The following TENM2 variants were observed in gnomAD, a reference collection of about 807,000 sequenced individuals.
TENM2 encodes the protein teneurin-2.
A neutral mutation model predicts 245.2 loss-of-function variants in TENM2; 52 were observed. That is an observed-to-expected ratio of 0.21 (90% CI 0.17 to 0.27). TENM2 has a LOEUF of 0.27. Ranked by LOEUF, TENM2 falls within the 10% of genes least tolerant of loss-of-function variation. The pLI is 1.00. For missense variants in TENM2, 3,046 were observed against 3,666.8 expected (o/e 0.83, Z 4.37); for synonymous variants, 1,363 against 1,438.9 (o/e 0.95, Z 1.19).
the TENM2 span, among the ~76,000 whole-genome samples, chr5:167,160,277 G>A: frequency 6.6e-6 from 1 of 152,180 alleles, no homozygotes; most frequent in African/African-American, 2.4e-5. Flanking sequence ...TGCACTTAAA[G>A]TCCAGACTCC....
chr5:168,086,911 C>T (rs1289833845), intron 7 of TENM2, among the ~76,000 whole-genome samples: 1 of 152,210 alleles, frequency 6.6e-6, no homozygotes, highest in African/African-American at 2.4e-5. Context: ...GCCAAGCAAG[C>T]TGGCCAGGCT....
chr5:167,408,261 T>C (rs1762735011), intron 2 of TENM2, among the ~76,000 whole-genome samples: 1 of 152,180 alleles, frequency 6.6e-6, no homozygotes, highest in Admixed American at 6.6e-5. Flanking sequence ...ACTGGAGGTG[T>C]TAAGGAGTTT....
At chr5:167,902,169 G>A (rs952321523) in intron 3 of TENM2, among the ~76,000 whole-genome samples, 1 of 152,130 alleles carries the variant, frequency 6.6e-6, no homozygotes, top group Non-Finnish European at 1.5e-5. Flanking sequence ...AGAGTGGAGT[G>A]GGGAGTGGGG....
At chr5:168,193,346 G>A (rs1287158940) in intron 14 of TENM2, among the ~76,000 whole-genome samples, 1 of 152,178 alleles carries the variant, frequency 6.6e-6, no homozygotes, top group Admixed American at 6.5e-5. Context: ...CGTTCCCCTA[G>A]ATAATGGCAT....
intron 2 of TENM2, among the ~76,000 whole-genome samples, chr5:167,406,171 G>T (rs1001338685): frequency 6.6e-6 from 1 of 152,080 alleles, no homozygotes; most frequent in Non-Finnish European, 1.5e-5. Context: ...ATAGACTCTT[G>T]TTTAATTAAA....
intron 2 of TENM2, among the ~76,000 whole-genome samples, chr5:167,438,370 A>G (rs1764687542): frequency 6.6e-6 from 1 of 152,178 alleles, no homozygotes; most frequent in Admixed American, 6.5e-5. Flanking sequence ...AAAACAGTTT[A>G]CTTACAAAAT....
intron 2 of TENM2, among the ~76,000 whole-genome samples, chr5:167,672,956 A>C (rs1343536238): frequency 1.3e-5 from 2 of 151,620 alleles, no homozygotes; most frequent in Non-Finnish European, 2.9e-5. Flanking sequence ...TTAATAGCTC[A>C]TAAGAGGAGC....
intron 21 of TENM2, 122 bp from the exon 24 acceptor site, chr5:168,216,646 A>G (rs1249978060): frequency 9.2e-6 from 8 of 867,748 alleles, no homozygotes; most frequent in Non-Finnish European, 1.5e-5. Flanking sequence ...TGAGGGTACT[A>G]ATCAATTCCA....
chr5:167,738,218 A>T (rs1346260120), intron 2 of TENM2, among the ~76,000 whole-genome samples: 2 of 152,156 alleles, frequency 1.3e-5, no homozygotes, highest in African/African-American at 4.8e-5. Flanking sequence ...GCACGGTGGA[A>T]GTTTCTGGCT....
the TENM2 span, among the ~76,000 whole-genome samples, chr5:167,213,017 G>A: frequency 0.21 from 31,642 of 152,098 alleles, 3,900 homozygotes; most frequent in African/African-American, 0.34. Context: ...ATTTCTCCAA[G>A]TGAAAATGGA....
the TENM2 span, among the ~76,000 whole-genome samples, chr5:167,242,302 G>A: frequency 2.0e-5 from 3 of 151,980 alleles, no homozygotes; most frequent in Non-Finnish European, 2.9e-5. Flanking sequence ...TGTCTGCCTC[G>A]GCCTCCCAAA....
chr5:167,915,314 G>A (rs1232245304), intron 3 of TENM2, among the ~76,000 whole-genome samples: 3 of 152,170 alleles, frequency 2.0e-5, no homozygotes, highest in African/African-American at 7.2e-5. Flanking sequence ...GTAGGGAAGG[G>A]AGATGGAAAG....
chr5:167,421,399 G>C (rs1198769612), intron 2 of TENM2, among the ~76,000 whole-genome samples: 3 of 152,146 alleles, frequency 2.0e-5, no homozygotes, highest in African/African-American at 7.2e-5. Flanking sequence ...CTTAAATTAA[G>C]TGCCTATTAG....
chr5:167,578,422 C>T (rs767946724), intron 2 of TENM2, among the ~76,000 whole-genome samples: 3 of 152,170 alleles, frequency 2.0e-5, no homozygotes, highest in Non-Finnish European at 4.4e-5. Flanking sequence ...GAAACACCTT[C>T]GTATTATAAT....
intron 3 of TENM2, among the ~76,000 whole-genome samples, chr5:167,918,750 C>A (rs1202447368): frequency 2.0e-5 from 3 of 148,814 alleles, no homozygotes; most frequent in Non-Finnish European, 4.4e-5. Context: ...CAGAGCAGTT[C>A]GTTTGGGATT....
the TENM2 span, among the ~76,000 whole-genome samples, chr5:167,016,529 T>C: frequency 6.6e-6 from 1 of 152,210 alleles, no homozygotes; most frequent in Non-Finnish European, 1.5e-5. Flanking sequence ...TCTCCTGTCT[T>C]AACTTTTGTG....
the TENM2 span, among the ~76,000 whole-genome samples, chr5:167,069,134 T>C: frequency 6.6e-6 from 1 of 152,194 alleles, no homozygotes; most frequent in Non-Finnish European, 1.5e-5. Flanking sequence ...ATTCTCTTTA[T>C]ATCTAAAGGG....
Position 167,900,139 on chromosome 5 carries a change from G to A in TENM2, c.712+23944G>A, listed in dbSNP as rs867920889. Among the ~76,000 whole-genome samples, 36 of 121,180 alleles carry A rather than the reference G, an allele frequency of 3.0e-4. 2 individuals are homozygous for A. Among genetic ancestry groups the A allele is most frequent in the South Asian group, 9.6e-4 (3 of 3,112 alleles). The allele number at this position is 121,180 out of a possible 152,430, so 79.5% of individuals were successfully genotyped here. ...AAAAAAAAAAAAAAAAAAAAGGGGG[G>A]GGGGGTTTTGGAAAGGAAAGGAATG... On this transcript the variant is annotated intron_variant, in intron 3 of 28. Coordinates refer to ENST00000518659, the Ensembl canonical transcript of TENM2.
chr5:167,898,937 G>A (rs1257143749), intron 3 of TENM2, among the ~76,000 whole-genome samples: 1 of 152,132 alleles, frequency 6.6e-6, no homozygotes, highest in Admixed American at 6.6e-5. Context: ...GCGTGGATTG[G>A]CTCGATGGTC....
Sources: gnomAD v4.1 joint callset for allele counts (sites outside exome capture counted in the v4.1 genomes callset) on GRCh38, gnomAD v4.1.1 for gene constraint, MANE v1.5 for transcripts, NCBI Gene and HGNC (gene_info 2026-07-23, HGNC 2026-07-21) for gene names.